The following CROCC variants were observed in gnomAD, a reference collection of about 807,000 sequenced individuals.
CROCC encodes rootletin.
CROCC carries 180 observed loss-of-function variants against 245.2 expected under a neutral mutation model. That is an observed-to-expected ratio of 0.73 (90% CI 0.65 to 0.83). The LOEUF (loss-of-function observed/expected upper bound fraction) is 0.83, where lower values mean the gene tolerates loss of function less well. CROCC is among the 40% of genes least tolerant of loss of function. The pLI is 0.00. For missense variants in CROCC, 2,688 were observed against 2,779.4 expected (o/e 0.97, Z 0.74); for synonymous variants, 1,205 against 1,241.6 (o/e 0.97, Z 0.62).
rs2076225316 is a variant in CROCC, at chr1:16,954,964, T to A, written c.3465+87T>A. ...CTAGTTCCCCAGGGCCCCAGAAGAGTGTAAGATTCCTCCCTGCATTTGAGG... is the reference window on the plus strand; with the variant it reads ...CTAGTTCCCCAGGGCCCCAGAAGAGAGTAAGATTCCTCCCTGCATTTGAGG... On this transcript the variant is annotated intron_variant, in intron 23 of 36. Transcript: ENST00000375541. The surrounding 1 kb of genome is among the most constrained non-coding windows in gnomAD (Gnocchi z 4.4). The A allele has an allele frequency of 2.1e-6, 3 of 1,408,446 alleles. No homozygotes were observed. The highest frequency in any genetic ancestry group is 2.8e-6 in the Non-Finnish European group (3 of 1,067,444). The allele number at this position is 1,408,446 out of a possible 1,614,324, so 87.2% of individuals were successfully genotyped here. A position where few individuals can be genotyped will look rare whatever the true frequency, so the allele number is the denominator to read the frequency against.
intron 2 of CROCC, among the ~76,000 whole-genome samples, chr1:16,923,088 C>T (rs1480235889): frequency 3.3e-5 from 5 of 152,274 alleles, no homozygotes; most frequent in South Asian, 2.1e-4. Context: ...TATTCCCACC[C>T]GGGGAAGGTG....
At chr1:16,955,847 G>T in intron 24 of CROCC, 150 bp from the exon 25 acceptor site, 1 of 1,006,156 alleles carries the variant, frequency 9.9e-7, no homozygotes, top group African/African-American at 1.6e-5. Flanking sequence ...CTGGGCCCCA[G>T]CCCTGCAGGG....
At chr1:16,940,677 C>T (rs193119434) in intron 13 of CROCC, 99 of 225,004 alleles carry the variant, frequency 4.4e-4, no homozygotes, top group African/African-American at 2.1e-3. Context: ...CATGAGCCAC[C>T]GCGCCCGGCC....
chr1:16,962,023 T>C (rs1280370660), intron 27 of CROCC, among the ~76,000 whole-genome samples: 1 of 152,144 alleles, frequency 6.6e-6, no homozygotes, highest in Non-Finnish European at 1.5e-5. Flanking sequence ...TACAGCTAAG[T>C]GGAAATCTTA....
chr1:16,930,498 G>A lies in CROCC; in HGVS notation c.753G>A (p.Gln251=). ...EQLDQAGSAN[Q]ALSEDIRKVT... is the part of the protein sequence containing the mutation. ...TGGACCAGGCAGGCTCGGCCAACCAGGCTCTGAGTGAGGACATACGAAAGG... is the reference window on the plus strand; with the variant it reads ...TGGACCAGGCAGGCTCGGCCAACCAAGCTCTGAGTGAGGACATACGAAAGG... Residue 251 remains glutamine, a synonymous_variant, in exon 7 of 37, where the codon CAG becomes CAA. Transcript: ENST00000375541. The A allele has an allele frequency of 6.2e-7, 1 of 1,612,466 alleles. No homozygotes were observed. The highest frequency in any genetic ancestry group is 8.5e-7 in the Non-Finnish European group (1 of 1,179,854).
chr1:16,938,508 A>G, intron 11 of CROCC, 25 bp downstream of exon 11: 1 of 1,545,136 alleles, frequency 6.5e-7, no homozygotes, highest in Non-Finnish European at 8.8e-7. Context: ...AGGCGGGAAG[A>G]CAGCGCCCTG....
chr1:16,958,045 T>G (rs1243817674), intron 25 of CROCC, among the ~76,000 whole-genome samples: 1 of 152,280 alleles, frequency 6.6e-6, no homozygotes, highest in East Asian at 1.9e-4. Context: ...TGCCGTTGTC[T>G]CAGATCGAAT....
At position 16,969,947 on chromosome 1, in the gene CROCC, G is replaced by A; in HGVS notation, c.5451+13G>A. On this transcript the variant is annotated intron_variant, in intron 33 of 36. Coordinates refer to ENST00000375541, the MANE Select transcript of CROCC (RefSeq NM_014675.5). The stretch of plus-strand genomic sequence containing the variant: ...ACAGCTACGGGAGGTGAGGGCCAGG[G>A]TGTGCCCCCTCTGTCCCCAAGACTG... 6.4e-7 allele frequency: 1 copy of A among 1,574,176 alleles called. No homozygotes were observed. Among genetic ancestry groups the A allele is most frequent in the Non-Finnish European group, 8.6e-7 (1 of 1,159,526 alleles).
rs1268193513 is a variant in CROCC at position 16,972,398 on chromosome 1, A to G, written c.6006A>G (p.Arg2002=). The change falls in exon 37 of 37, where the codon CGA becomes CGG. Residue 2002 remains arginine (R), a synonymous_variant. Transcript: ENST00000375541. ...AGGGCCAGCTGCAGCAGGAGCTTCG[A>G]AGGAGCTCAGCACCCTTCTCCCCAC... ...TLKGQLQQEL[R]RSSAPFSPPS... 3.7e-6 allele frequency: 6 copies of G among 1,613,878 alleles called. No homozygotes were observed. The highest frequency in any genetic ancestry group is 5.1e-6 in the Non-Finnish European group (6 of 1,179,904).
chr1:16,951,275 T>G (rs2076155518), intron 20 of CROCC, 153 bp downstream of exon 20: 1 of 650,708 alleles, frequency 1.5e-6, no homozygotes, highest in African/African-American at 1.9e-5. Context: ...ATGGGGAGGT[T>G]GTGGTTCTTA....
chr1:16,960,345 G>T (rs1268538245), intron 26 of CROCC, among the ~76,000 whole-genome samples: 1 of 152,184 alleles, frequency 6.6e-6, no homozygotes, highest in African/African-American at 2.4e-5. Flanking sequence ...TTGAATCCCA[G>T]CTCTGCAGTT....
intron 14 of CROCC, among the ~76,000 whole-genome samples, chr1:16,944,510 T>C (rs570048002): frequency 1.1e-3 from 161 of 152,124 alleles, no homozygotes; most frequent in African/African-American, 3.6e-3. Flanking sequence ...ACTTGGATGA[T>C]AATAACAAGA....
At chr1:16,947,487 A>AATAATAATAATAATAATG (rs1266136687) in intron 17 of CROCC, among the ~76,000 whole-genome samples, 96 of 150,492 alleles carry the variant, frequency 6.4e-4, no homozygotes, top group African/African-American at 2.3e-3. Context: ...TAATAATAAT[A>AATAATAATAATAATAATG]ATAATAATAA....
chr1:16,933,252 G>A (rs1363425732), intron 8 of CROCC, among the ~76,000 whole-genome samples: 1 of 152,272 alleles, frequency 6.6e-6, no homozygotes, highest in Non-Finnish European at 1.5e-5. Context: ...GACCACCTGA[G>A]GTCAGGAGTT....
In CROCC at chr1:16,970,261, G is replaced by T; in HGVS notation, c.5460G>T (p.Arg1820=). The part of the protein sequence containing the change: ...GQLQQLREVL[R]QRQEGEAAAL... The stretch of plus-strand genomic sequence containing the variant: ...CCTGGCTTCTGTTGCAGGTGCTGCG[G>T]CAGCGGCAGGAGGGTGAGGCTGCAG... Residue 1820 remains arginine (R), a synonymous_variant, in exon 34 of 37, where the codon CGG becomes CGT. Transcript: ENST00000375541. The T allele has an allele frequency of 6.4e-7, 1 of 1,555,826 alleles. No individual in the cohort carries two copies. Among genetic ancestry groups the T allele is most frequent in the Non-Finnish European group, 8.7e-7 (1 of 1,146,446 alleles).
chr1:16,963,185 GAAAAAA>G (rs56708042), intron 27 of CROCC, among the ~76,000 whole-genome samples: 1 of 105,892 alleles, frequency 9.4e-6, no homozygotes. Context: ...CTCCGTCTCA[GAAAAAA>G]AAAAAAAAAA....
intron 3 of CROCC, among the ~76,000 whole-genome samples, chr1:16,925,533 G>A (rs1194219994): frequency 1.3e-5 from 2 of 152,292 alleles, no homozygotes; most frequent in Non-Finnish European, 2.9e-5. Flanking sequence ...GAGACACTGG[G>A]CTAGGGATTT....
At chr1:16,936,211 G>C (rs527418804) in intron 8 of CROCC, among the ~76,000 whole-genome samples, 6 of 152,190 alleles carry the variant, frequency 3.9e-5, no homozygotes, top group African/African-American at 1.4e-4. Flanking sequence ...TCAGCTTCCC[G>C]CATAGCTGGG....
In CROCC at chr1:16,966,299, A is replaced by C. The variant is rs1341238828; in HGVS notation, c.4697-109A>C. On this transcript the variant is annotated intron_variant, in intron 29 of 36. Coordinates refer to ENST00000375541, the MANE Select transcript of CROCC (RefSeq NM_014675.5). The surrounding 1 kb of genome is among the most constrained non-coding windows in gnomAD (Gnocchi z 4.8). ...CAGGCCCGCATACTACGAAGGGTGC[A>C]GACAGTCTGGCCCTGCACTGGGTGG... 10 of 1,434,810 alleles carry C rather than the reference A, an allele frequency of 7.0e-6. No homozygotes were observed. The highest frequency in any genetic ancestry group is 9.2e-6 in the Non-Finnish European group (10 of 1,086,258). 88.9% of individuals were successfully genotyped at this position (1,434,810 alleles called of 1,614,324 possible).
Sources: gnomAD v4.1 joint callset for allele counts (sites outside exome capture counted in the v4.1 genomes callset) on GRCh38, gnomAD v4.1.1 for gene constraint, Gnocchi (gnomAD v3.1) non-coding constraint, MANE v1.5 for transcripts, NCBI Gene and HGNC (gene_info 2026-07-23, HGNC 2026-07-21) for gene names.